The following ZNF33A variants were observed in gnomAD, a reference collection of about 807,000 sequenced individuals.
The protein encoded by ZNF33A is brain my041 protein.
A neutral mutation model predicts 15.9 loss-of-function variants in ZNF33A; 9 were observed. The observed-to-expected ratio is 0.57, with a 90% CI of 0.34 to 0.99. ZNF33A has a LOEUF of 0.99. ZNF33A is among the 50% of genes least tolerant of loss of function. The pLI is 0.02. For missense variants in ZNF33A, 843 were observed against 941.6 expected (o/e 0.90, Z 1.37); for synonymous variants, 294 against 324.2 (o/e 0.91, Z 1.00).
intron 4 of ZNF33A, among the ~76,000 whole-genome samples, chr10:38,021,584 G>A (rs2504155): frequency 0.53 from 79,903 of 151,852 alleles, 21,337 homozygotes; most frequent in South Asian, 0.71. Context: ...AGGTTGCAGT[G>A]AGCCAAGATT....
Position 38,055,541 on chromosome 10 carries a change from G to C in ZNF33A, c.1417G>C (p.Glu473Gln). The C allele has an allele frequency of 6.2e-7, 1 of 1,614,072 alleles. No homozygotes were observed. Among genetic ancestry groups the C allele is most frequent in the East Asian group, 2.2e-5 (1 of 44,860 alleles). Residue 473 changes from glutamate (E) to glutamine (Q), a missense_variant, in exon 5 of 5, where the codon GAG becomes CAG. Physicochemically the swap from Glu to Gln is conservative, Grantham distance 29. Transcript: ENST00000432900. ...AGGTGAGAAACCTTTTGAATGTCTT[G>C]AGTGTGGGAAATCCTTTAGTGAAAA... ...HTGEKPFECL[E>Q]CGKSFSEKSN...
chr10:38,041,027 G>A (rs1427109916), intron 4 of ZNF33A, among the ~76,000 whole-genome samples: 2 of 151,946 alleles, frequency 1.3e-5, no homozygotes, highest in East Asian at 3.9e-4. Flanking sequence ...ATCTGTAGTT[G>A]GTTTTACCTC....
intron 2 of ZNF33A, chr10:38,015,866 G>A (rs1475255254): frequency 1.9e-6 from 1 of 515,458 alleles, no homozygotes; most frequent in African/African-American, 2.0e-5. Flanking sequence ...ATGTTGTTTT[G>A]TCCTTTGTCG....
At chr10:38,023,057 T>G (rs954143246) in intron 4 of ZNF33A, among the ~76,000 whole-genome samples, 8 of 152,168 alleles carry the variant, frequency 5.3e-5, no homozygotes, top group African/African-American at 1.9e-4. Context: ...ATGATTCTCC[T>G]GCGTCAGCCT....
At chr10:38,031,285 C>A (rs917140859) in intron 4 of ZNF33A, among the ~76,000 whole-genome samples, 1 of 152,024 alleles carries the variant, frequency 6.6e-6, no homozygotes, top group African/African-American at 2.4e-5. Flanking sequence ...AGAATTGTCT[C>A]CAGGCTGGGT....
downstream of ZNF33A, among the ~76,000 whole-genome samples, chr10:38,060,696 A>G (rs2066645626): frequency 6.6e-6 from 1 of 152,204 alleles, no homozygotes; most frequent in African/African-American, 2.4e-5. Context: ...TGGCATAAAC[A>G]GGATGGCCCA....
intron 4 of ZNF33A, among the ~76,000 whole-genome samples, chr10:38,050,710 C>T (rs2066164280): frequency 6.6e-6 from 1 of 152,204 alleles, no homozygotes. Flanking sequence ...AGAGAGGACC[C>T]ACAGTGTGAG....
chr10:38,019,555 A>G (rs2086956976), intron 4 of ZNF33A, among the ~76,000 whole-genome samples: 3 of 152,230 alleles, frequency 2.0e-5, no homozygotes. Context: ...CTCTTCTGAA[A>G]CTGCGGCAGC....
chr10:38,047,983 T>A (rs933072692), intron 4 of ZNF33A, among the ~76,000 whole-genome samples: 5 of 152,202 alleles, frequency 3.3e-5, no homozygotes, highest in African/African-American at 1.2e-4. Flanking sequence ...AGATTTCTCC[T>A]TAAATGAGGC....
At chr10:38,064,133 G>T (rs1316546603), downstream of ZNF33A, 1 of 1,594,888 alleles carries the variant, frequency 6.3e-7, no homozygotes, top group Non-Finnish European at 8.5e-7. Context: ...TGCAGTGCTG[G>T]AAGAAGAGGA....
rs778690228 is a variant in ZNF33A at position 38,056,183 on chromosome 10, C to G, written c.2059C>G (p.His687Asp). ...AGGACTTATTTTCCATGAGAGAAAGCACACGGGGGAGAAACCCTATGAATG... is the reference window on the plus strand; with the variant it reads ...AGGACTTATTTTCCATGAGAGAAAGGACACGGGGGAGAAACCCTATGAATG... ...KSGLIFHERK[H>D]TGEKPYECNE... The change falls in exon 5 of 5, where the codon CAC (histidine) becomes GAC (aspartate). Residue 687 changes from histidine (H) to aspartate (D), a missense_variant. Transcript: ENST00000432900. The G allele has an allele frequency of 6.2e-7, 1 of 1,614,120 alleles. No individual in the cohort carries two copies. The highest frequency in any genetic ancestry group is 8.5e-7 in the Non-Finnish European group (1 of 1,180,000).
chr10:38,010,870 G>A, intron 1 of ZNF33A, 87 bp downstream of exon 1: 1 of 1,530,350 alleles, frequency 6.5e-7, no homozygotes, highest in Non-Finnish European at 8.9e-7. Flanking sequence ...CCAAGTGGTG[G>A]GGAGGAGGCC....
chr10:38,064,778 T>G (rs2066693609), downstream of ZNF33A: 1 of 152,152 alleles, frequency 6.6e-6, no homozygotes, highest in African/African-American at 2.4e-5. Context: ...CTGACTGACT[T>G]TCCTTGGCTC....
At position 38,017,388 on chromosome 10, in the gene ZNF33A, T is replaced by G. The variant is rs764572392; in HGVS notation, c.250+2T>G. The G allele has an allele frequency of 2.5e-6, 4 of 1,608,428 alleles. No individual in the cohort carries two copies. The highest frequency in any genetic ancestry group is 3.4e-6 in the Non-Finnish European group (4 of 1,174,934). The stretch of plus-strand genomic sequence containing the variant: ...AATTCCCAAGCCAAAGCTTTCCAGG[T>G]GAGTTAATATGTACTGCACAGATTC... On this transcript the variant is annotated splice_donor_variant, in intron 4 of 4. Coordinates refer to ENST00000432900, the MANE Select transcript of ZNF33A (RefSeq NM_006954.2). LOFTEE classifies it high-confidence loss of function.
intron 4 of ZNF33A, among the ~76,000 whole-genome samples, chr10:38,048,515 TAAAAA>T (rs1390233639): frequency 2.0e-5 from 3 of 152,020 alleles, no homozygotes; most frequent in African/African-American, 7.2e-5. Flanking sequence ...ATAAGATAAA[TAAAAA>T]TAAGATCCAG....
At position 38,055,721 on chromosome 10, in the gene ZNF33A, A is replaced by G. The variant is rs762908268; in HGVS notation, c.1597A>G (p.Thr533Ala). 3.1e-6 allele frequency: 5 copies of G among 1,613,180 alleles called. No individual in the cohort carries two copies. The highest frequency in any genetic ancestry group is 1.6e-4 in the Middle Eastern group (1 of 6,070). The change falls in exon 5 of 5, where the codon ACC (threonine) becomes GCC (alanine). Residue 533 changes from threonine (T) to alanine (A), a missense_variant. Transcript: ENST00000432900. The stretch of plus-strand genomic sequence containing the variant: ...TTATGAATGTTATGAATGTGGGAAA[A>G]CCTTCTGCTTGAAGTCAGACCTCAC... The part of the protein sequence containing the change: ...KPYECYECGK[T>A]FCLKSDLTVH...
chr10:38,035,442 C>G (rs1322731324), intron 4 of ZNF33A, among the ~76,000 whole-genome samples: 1 of 152,018 alleles, frequency 6.6e-6, no homozygotes, highest in Non-Finnish European at 1.5e-5. Flanking sequence ...ATTATTCTTT[C>G]CCTGTATACA....
chr10:38,017,200 A>G (rs2738208), intron 3 of ZNF33A, 91 bp from the exon 4 acceptor site: 1,083,891 of 1,409,478 alleles, frequency 0.77, 417,984 homozygotes, highest in South Asian at 0.87. Flanking sequence ...TTCCACTGGC[A>G]ACTCGAAGCA....
rs1166571944 is a variant in ZNF33A, at chr10:38,057,970, G to T, written c.*1410G>T. 2 of 985,308 alleles carry T rather than the reference G, an allele frequency of 2.0e-6. No homozygotes were observed. The highest frequency in any genetic ancestry group is 1.1e-4 in the East Asian group (1 of 8,822). 61.0% of individuals were successfully genotyped at this position (985,308 alleles called of 1,614,324 possible). On this transcript the variant is annotated 3_prime_UTR_variant, in exon 5 of 5. Coordinates refer to ENST00000432900, the MANE Select transcript of ZNF33A (RefSeq NM_006954.2). ...CTGGAGCAGAACCAGAATCAAGCTG[G>T]TGTGGGGCTTTTATTGATAGTGTGA...
Sources: gnomAD v4.1 joint callset for allele counts (sites outside exome capture counted in the v4.1 genomes callset) on GRCh38, gnomAD v4.1.1 for gene constraint, MANE v1.5 for transcripts, NCBI Gene and HGNC (gene_info 2026-07-23, HGNC 2026-07-21) for gene names.